The following PRKAR2A variants were observed in gnomAD, a reference collection of about 807,000 sequenced individuals.
PRKAR2A encodes the protein cAMP-dependent protein kinase type II-alpha regulatory subunit.
In PRKAR2A, 29 loss-of-function variants were observed where a neutral mutation model predicts 51.9. The ratio of observed to expected loss-of-function variants is 0.56; its 90% confidence interval spans 0.42 to 0.76. The LOEUF (loss-of-function observed/expected upper bound fraction) is 0.76. Among genes scored for constraint, PRKAR2A ranks in the 30% least tolerant of loss-of-function variants. The probability of loss-of-function intolerance (pLI) is 0.00; values close to 1 mark genes in which losing one functional copy is unlikely to be tolerated. For synonymous variants in PRKAR2A, 178 were observed against 186.2 expected, an observed-to-expected ratio of 0.96 and a Z score of 0.36; for missense variants, 445 against 512.1, an observed-to-expected ratio of 0.87 and a Z score of 1.26.
Position 48,783,016 on chromosome 3 carries a change from T to C in PRKAR2A, c.512A>G (p.Asp171Gly), listed in dbSNP as rs1211439484. 2 of 1,613,456 alleles carry C rather than the reference T, an allele frequency of 1.2e-6. No homozygotes were observed. The highest frequency in any genetic ancestry group is 1.7e-6 in the Non-Finnish European group (2 of 1,179,646). ...KADEHVIDQG[D>G]DGDNFYVIER... ...TATGACATAAAAGTTGTCTCCATCA[T>C]CTCCTTGGTCAATGACATGCTCATC... Residue 171 changes from aspartate (D) to glycine (G), a missense_variant, in exon 5 of 11, where the codon GAT (aspartate) becomes GGT (glycine). Asp to Gly is a moderately conservative substitution (Grantham distance 94, BLOSUM62 -1). Coordinates refer to ENST00000265563, the MANE Select transcript of PRKAR2A (RefSeq NM_004157.4).
chr3:48,836,566 T>A (rs1219103638), intron 1 of PRKAR2A, among the ~76,000 whole-genome samples: 1 of 150,376 alleles, frequency 6.6e-6, no homozygotes, highest in Non-Finnish European at 1.5e-5. Context: ...TAAATTTTCA[T>A]GACCTTGGAT....
chr3:48,833,237 G>A (rs1419914700), intron 1 of PRKAR2A, among the ~76,000 whole-genome samples: 1 of 151,976 alleles, frequency 6.6e-6, no homozygotes, highest in Admixed American at 6.6e-5. Context: ...GGGGGGTCTC[G>A]CCATATTGCC....
chr3:48,763,779 C>G (rs1224397734), intron 8 of PRKAR2A, among the ~76,000 whole-genome samples: 2 of 152,114 alleles, frequency 1.3e-5, no homozygotes, highest in African/African-American at 4.8e-5. Context: ...CACTGTCGTT[C>G]ATACTCTCCT....
In PRKAR2A at chr3:48,847,550, C is replaced by T; in HGVS notation, c.47G>A (p.Gly16Asp). Reference protein sequence around the residue: ...IPPGLTELLQGYTVEVLRQQP... With the variant: ...IPPGLTELLQDYTVEVLRQQP... ...CTGTCGCAGCACCTCCACCGTGTAG[C>T]CCTGCAGCAGCTCCGTGAGCCCCGG... Residue 16 changes from glycine to aspartate, a missense_variant, in exon 1 of 11, where the codon GGC (glycine) becomes GAC (aspartate). Physicochemically the swap from Gly to Asp is moderately conservative, Grantham distance 94 (BLOSUM62 -1). Transcript: ENST00000265563. This position sits in a 1 kb window ranked among gnomAD's most constrained non-coding sequence, Gnocchi z 4.4. 6.4e-7 allele frequency: 1 copy of T among 1,566,176 alleles called. No homozygotes were observed.
chr3:48,754,996 CTTTTTTT>C (rs1279558575), intron 9 of PRKAR2A, among the ~76,000 whole-genome samples: 1 of 125,820 alleles, frequency 7.9e-6, no homozygotes, highest in Admixed American at 7.9e-5. Flanking sequence ...TACTTATTAA[CTTTTTTT>C]TTTTTTTTTT....
chr3:48,779,442 A>G (rs1426430460), intron 5 of PRKAR2A, among the ~76,000 whole-genome samples: 3 of 152,198 alleles, frequency 2.0e-5, no homozygotes, highest in African/African-American at 7.2e-5. Flanking sequence ...ACAGCAGGGC[A>G]AAGGGGAAAG....
intron 3 of PRKAR2A, among the ~76,000 whole-genome samples, chr3:48,792,964 A>G (rs1386405922): frequency 2.0e-5 from 3 of 151,648 alleles, no homozygotes; most frequent in African/African-American, 7.3e-5. Flanking sequence ...ATTTATGTCA[A>G]TTGTACAGAA....
At chr3:48,755,228 C>T (rs1381977716) in intron 9 of PRKAR2A, among the ~76,000 whole-genome samples, 2 of 151,876 alleles carry the variant, frequency 1.3e-5, no homozygotes, top group Non-Finnish European at 2.9e-5. Context: ...AATCTCCTGA[C>T]CTCGTGATCT....
intron 1 of PRKAR2A, among the ~76,000 whole-genome samples, chr3:48,842,249 T>C (rs1479680466): frequency 6.6e-6 from 1 of 152,208 alleles, no homozygotes; most frequent in Non-Finnish European, 1.5e-5. Flanking sequence ...CTTGTGATTT[T>C]TGTGCATTGA....
chr3:48,795,127 C>A (rs923862142), intron 2 of PRKAR2A, among the ~76,000 whole-genome samples: 9 of 152,112 alleles, frequency 5.9e-5, no homozygotes, highest in Non-Finnish European at 2.9e-5. Context: ...CAGGCGCCTG[C>A]AACCATGCCA....
chr3:48,831,681 A>G (rs1377057035), intron 1 of PRKAR2A, among the ~76,000 whole-genome samples: 1 of 151,962 alleles, frequency 6.6e-6, no homozygotes, highest in Non-Finnish European at 1.5e-5. Context: ...CAGTAGCTCA[A>G]TCTTGGCTCA....
intron 8 of PRKAR2A, among the ~76,000 whole-genome samples, chr3:48,761,664 T>A (rs2081864810): frequency 6.6e-6 from 1 of 152,348 alleles, no homozygotes; most frequent in African/African-American, 2.4e-5. Flanking sequence ...CAGGCTAGAA[T>A]GCAAGTGGCA....
chr3:48,783,230 A>G (rs973629311), intron 4 of PRKAR2A, 138 bp from the exon 5 acceptor site: 1 of 631,324 alleles, frequency 1.6e-6, no homozygotes, highest in Admixed American at 2.7e-5. Context: ...TCTGAAACAA[A>G]TGCTTTCCTG....
chr3:48,829,796 C>T (rs1476268595), intron 1 of PRKAR2A, among the ~76,000 whole-genome samples: 36 of 91,368 alleles, frequency 3.9e-4, no homozygotes, highest in South Asian at 2.3e-3. Flanking sequence ...AAAATATATG[C>T]GTATATATAC....
intron 1 of PRKAR2A, among the ~76,000 whole-genome samples, chr3:48,809,948 C>A (rs1026825204): frequency 6.6e-6 from 1 of 152,118 alleles, no homozygotes; most frequent in Non-Finnish European, 1.5e-5. Flanking sequence ...TGTTCTCCCT[C>A]CCACTTCATC....
intron 1 of PRKAR2A, among the ~76,000 whole-genome samples, chr3:48,831,395 GTCTTGC>G (rs2083185765): frequency 7.6e-6 from 1 of 131,522 alleles, no homozygotes; most frequent in Non-Finnish European, 1.6e-5. Context: ...TAGAGACAGA[GTCTTGC>G]TCTTATCCAG....
rs146193506 is a variant in PRKAR2A at position 48,752,272 on chromosome 3, G to A, written c.985C>T (p.Arg329Cys). ...DGGNQEVEIA[R>C]CHKGQYFGEL... ...CCAAAGTACTGCCCCTTATGGCAGCGGGCAATCTCGACCTCCTGGTTCCCA... is the reference window on the plus strand; with the variant it reads ...CCAAAGTACTGCCCCTTATGGCAGCAGGCAATCTCGACCTCCTGGTTCCCA... The change falls in exon 10 of 11, where the codon CGC becomes TGC. Residue 329 changes from arginine (R) to cysteine (C), a missense_variant. Transcript: ENST00000265563. 97 of 1,614,018 alleles carry A rather than the reference G, an allele frequency of 6.0e-5. No homozygotes were observed. The highest frequency in any genetic ancestry group is 4.8e-4 in the South Asian group (44 of 91,080).
intron 1 of PRKAR2A, among the ~76,000 whole-genome samples, chr3:48,815,110 C>T (rs2082852475): frequency 6.6e-6 from 1 of 151,948 alleles, no homozygotes; most frequent in Non-Finnish European, 1.5e-5. Context: ...GACAGGGTTT[C>T]GCCATGTCAG....
intron 8 of PRKAR2A, among the ~76,000 whole-genome samples, chr3:48,763,072 G>A (rs182798333): frequency 3.9e-5 from 6 of 152,264 alleles, no homozygotes; most frequent in African/African-American, 1.4e-4. Context: ...CTTCCGATTT[G>A]TACACTTAAA....
Sources: gnomAD v4.1 joint callset for allele counts (sites outside exome capture counted in the v4.1 genomes callset) on GRCh38, gnomAD v4.1.1 for gene constraint, Gnocchi (gnomAD v3.1) non-coding constraint, MANE v1.5 for transcripts, NCBI Gene and HGNC (gene_info 2026-07-23, HGNC 2026-07-21) for gene names.